Variants in ADPGK observed in about 807,000 individuals in gnomAD.
ADPGK encodes ADP-dependent glucokinase.
A neutral mutation model predicts 42.4 loss-of-function variants in ADPGK; 26 were observed. The ratio of observed to expected loss-of-function variants is 0.61; its 90% CI spans 0.45 to 0.85. ADPGK has a LOEUF of 0.85. Ranked by LOEUF, ADPGK falls within the 40% of genes least tolerant of loss-of-function variation. The pLI, the probability that ADPGK is intolerant of heterozygous loss-of-function variation, is 0.00. For missense variants in ADPGK, 571 were observed against 627.0 expected, an observed-to-expected ratio of 0.91 and a Z score of 0.95; for synonymous variants, 267 against 252.6, an observed-to-expected ratio of 1.06 and a Z score of -0.54.
At chr15:72,775,597 T>C (rs982251667) in intron 1 of ADPGK, among the ~76,000 whole-genome samples, 3 of 152,210 alleles carry the variant, frequency 2.0e-5, no homozygotes, top group Admixed American at 6.5e-5. Context: ...AAGCAAAATA[T>C]GTGTTTCAGT....
intron 1 of ADPGK, among the ~76,000 whole-genome samples, chr15:72,780,620 A>G (rs1023101159): frequency 6.6e-6 from 1 of 152,128 alleles, no homozygotes; most frequent in South Asian, 2.1e-4. Flanking sequence ...AACTTGGCAA[A>G]TCCTGTCCCT....
intron 1 of ADPGK, among the ~76,000 whole-genome samples, chr15:72,782,648 T>C (rs778191169): frequency 3.9e-5 from 6 of 151,914 alleles, no homozygotes; most frequent in Non-Finnish European, 8.8e-5. Context: ...AAGTTTGCTC[T>C]ACTTTACCCC....
At chr15:72,783,178 G>A (rs1410472996) in intron 1 of ADPGK, 47 of 1,194,438 alleles carry the variant, frequency 3.9e-5, no homozygotes, top group Non-Finnish European at 4.7e-5. Flanking sequence ...GTTGGAACGA[G>A]GAAGAAGGCT....
chr15:72,764,905 G>A (rs2066239077), intron 3 of ADPGK, among the ~76,000 whole-genome samples: 1 of 150,856 alleles, frequency 6.6e-6, no homozygotes, highest in Non-Finnish European at 1.5e-5. Context: ...TACTCTGCCT[G>A]TGTTCTATAT....
chr15:72,782,023 G>C lies in ADPGK; in HGVS notation c.233+1436C>G, dbSNP rs561748138. ...CAATCCTGCCAACACCTTGATCTTG[G>C]ACTATCAGCCTCCAGATCCACGAGA... On this transcript the variant is annotated intron_variant, in intron 1 of 6. Transcript: ENST00000456471. 6.9e-4 allele frequency among the ~76,000 whole-genome samples: 105 copies of C among 152,262 alleles called. 1 individual carries two copies. Among genetic ancestry groups the C allele is most frequent in the African/African-American group, 2.3e-3 (97 of 41,552 alleles).
chr15:72,773,079 TA>T (rs2066348452), intron 2 of ADPGK, among the ~76,000 whole-genome samples: 1 of 147,432 alleles, frequency 6.8e-6, no homozygotes, highest in African/African-American at 2.5e-5. Flanking sequence ...GGGTCACACA[TA>T]AAATACACTA....
In ADPGK at chr15:72,756,372, A is replaced by G; in HGVS notation, c.719T>C (p.Met240Thr). The G allele has an allele frequency of 1.2e-6, 2 of 1,614,190 alleles. No individual in the cohort carries two copies. Among genetic ancestry groups the G allele is most frequent in the Non-Finnish European group, 1.7e-6 (2 of 1,180,034 alleles). ...IFSHDLSNGA[M>T]NMLEVFVSSL... ...AGACACAAACACCTCCAGCATATTC[A>G]TGGCCCCGTTGGAGAGGTCGTGAGA... The change falls in exon 5 of 7, where the codon ATG becomes ACG. Residue 240 changes from methionine (M) to threonine (T), a missense_variant. By Grantham distance (81) the Met-to-Thr change is moderately conservative. This residue lies in a region of ADPGK where 434 missense variants were observed against 522.7 expected (regional missense o/e 0.83). Transcript: ENST00000456471.
chr15:72,756,504 G>A, intron 4 of ADPGK, 57 bp from the exon 5 acceptor site: 1 of 1,581,212 alleles, frequency 6.3e-7, no homozygotes, highest in Admixed American at 1.7e-5. Context: ...AGGTCTCCTA[G>A]CTGTGGGGGC....
intron 4 of ADPGK, chr15:72,758,117 A>G (rs1039974213): frequency 6.2e-7 from 1 of 1,613,508 alleles, no homozygotes. Context: ...CATCATGTGC[A>G]ATCCAGAAAG....
At chr15:72,753,325 A>AT (rs1380825566) in intron 6 of ADPGK, among the ~76,000 whole-genome samples, 2 of 152,218 alleles carry the variant, frequency 1.3e-5, no homozygotes, top group East Asian at 1.9e-4. Context: ...GGTTATAATG[A>AT]TTTTTTTTAT....
intron 1 of ADPGK, among the ~76,000 whole-genome samples, chr15:72,780,940 T>C (rs1420568481): frequency 6.6e-6 from 1 of 152,232 alleles, no homozygotes; most frequent in Non-Finnish European, 1.5e-5. Flanking sequence ...TTTCTCCCTT[T>C]ACACAAACCC....
At chr15:72,757,903 G>A in intron 4 of ADPGK, 1 of 596,096 alleles carries the variant, frequency 1.7e-6, no homozygotes, top group East Asian at 2.9e-5. Context: ...GGAAGTGACA[G>A]AGGCAAAAAT....
intron 6 of ADPGK, among the ~76,000 whole-genome samples, chr15:72,754,118 A>C: frequency 6.6e-6 from 1 of 151,934 alleles, no homozygotes; most frequent in Admixed American, 6.6e-5. Context: ...AACAAAACCA[A>C]CGACAGTCAG....
intron 5 of ADPGK, 106 bp from the exon 6 acceptor site, chr15:72,755,760 T>C: frequency 3.6e-6 from 3 of 839,644 alleles, no homozygotes; most frequent in Admixed American, 2.1e-5. Context: ...GTAATGGCCT[T>C]CTTTGCATGC....
chr15:72,757,908 A>G (rs2066137363), intron 4 of ADPGK: 1 of 621,090 alleles, frequency 1.6e-6, no homozygotes, highest in African/African-American at 1.8e-5. Flanking sequence ...TGACAGAGGC[A>G]AAAATAAACA....
intron 2 of ADPGK, among the ~76,000 whole-genome samples, chr15:72,772,141 G>A (rs192718687): frequency 6.6e-6 from 1 of 152,360 alleles, no homozygotes; most frequent in African/African-American, 2.4e-5. Context: ...CAGGAAAAGT[G>A]TGGACAGGGC....
In ADPGK at chr15:72,760,238, C is replaced by T. The variant is rs77215906; in HGVS notation, c.643+169G>A. 484 of 774,640 alleles carry T rather than the reference C, an allele frequency of 6.2e-4. 1 individual carries two copies. In the African/African-American group the frequency reaches 7.8e-3, roughly 13 times the overall value. The allele number at this position is 774,640 out of a possible 1,614,324, so 48.0% of individuals were successfully genotyped here. A position where few individuals can be genotyped will look rare whatever the true frequency, so the allele number is the denominator to read the frequency against. ...TTATAATACTCAGTCTCCCTTGAGACAACGGCCAGTATCAGCTCAGTAGAA... is the reference window on the plus strand; with the variant it reads ...TTATAATACTCAGTCTCCCTTGAGATAACGGCCAGTATCAGCTCAGTAGAA... On this transcript the variant is annotated intron_variant, in intron 4 of 6. Coordinates refer to ENST00000456471, the MANE Select transcript of ADPGK (RefSeq NM_001365225.1).
intron 1 of ADPGK, 97 bp downstream of exon 1, chr15:72,783,362 C>A: frequency 7.7e-7 from 1 of 1,298,498 alleles, no homozygotes; most frequent in Non-Finnish European, 9.7e-7. Context: ...AGCAGCGCCT[C>A]CCGGGGACCT....
intron 3 of ADPGK, among the ~76,000 whole-genome samples, chr15:72,766,130 A>G (rs1189984185): frequency 6.6e-6 from 1 of 152,104 alleles, no homozygotes; most frequent in Non-Finnish European, 1.5e-5. Flanking sequence ...TGAGACTATA[A>G]GCATGCGCCA....
Sources: gnomAD v4.1 joint callset for allele counts (sites outside exome capture counted in the v4.1 genomes callset) on GRCh38, gnomAD v4.1.1 for gene constraint, gnomAD v4.1.1 regional missense constraint, MANE v1.5 for transcripts, NCBI Gene and HGNC (gene_info 2026-07-23, HGNC 2026-07-21) for gene names.